Variants in PLA1A observed in about 807,000 individuals in gnomAD.
PLA1A encodes phosphatidylserine-specific phospholipase A1alpha.
A neutral mutation model predicts 49.4 loss-of-function variants in PLA1A; 47 were observed. The observed-to-expected ratio is 0.95, with a 90% CI of 0.75 to 1.21. The LOEUF (loss-of-function observed/expected upper bound fraction) is 1.21, where lower values mean the gene tolerates loss of function less well. Ranked by LOEUF, PLA1A falls within the 50% of genes most tolerant of loss-of-function variation. The probability of loss-of-function intolerance (pLI) is 0.00; values close to 1 mark genes in which losing one functional copy is unlikely to be tolerated. For missense variants in PLA1A, 561 were observed against 563.9 expected, an observed-to-expected ratio of 0.99 and a Z score of 0.05; for synonymous variants, 224 against 207.9, an observed-to-expected ratio of 1.08 and a Z score of -0.67.
intron 1 of PLA1A, among the ~76,000 whole-genome samples, chr3:119,599,454 C>T (rs1394366813): frequency 1.3e-5 from 2 of 152,226 alleles, no homozygotes; most frequent in East Asian, 3.9e-4. Context: ...TCAGGAGCCC[C>T]AGGCCTCCTT....
chr3:119,625,287 C>G, intron 9 of PLA1A, 55 bp downstream of exon 9: 1 of 1,117,766 alleles, frequency 8.9e-7, no homozygotes, highest in Non-Finnish European at 1.4e-6. Flanking sequence ...GTTACTTTTT[C>G]ATTTTACACA....
intron 1 of PLA1A, 48 bp downstream of exon 1, chr3:119,598,034 C>G (rs62264534): frequency 5.0e-6 from 6 of 1,188,250 alleles, no homozygotes; most frequent in Non-Finnish European, 6.1e-6. Flanking sequence ...AGTCAGTGAT[C>G]ATATTTCTCC....
chr3:119,616,488 T>G (rs2082850020), intron 6 of PLA1A, among the ~76,000 whole-genome samples: 1 of 152,236 alleles, frequency 6.6e-6, no homozygotes, highest in Admixed American at 6.5e-5. Flanking sequence ...GTACATTTCC[T>G]CTCTTTAAAT....
chr3:119,608,120 T>C (rs910092301), intron 2 of PLA1A, among the ~76,000 whole-genome samples: 6 of 150,716 alleles, frequency 4.0e-5, no homozygotes, highest in African/African-American at 1.5e-4. Context: ...ACTCAATAAA[T>C]GCTTGCTGAA....
chr3:119,602,291 T>A (rs1420101208), intron 1 of PLA1A, among the ~76,000 whole-genome samples: 1 of 152,234 alleles, frequency 6.6e-6, no homozygotes, highest in Non-Finnish European at 1.5e-5. Context: ...TTCTGAGGGA[T>A]AGTTTTGAAA....
At chr3:119,599,275 T>G (rs1321705047) in intron 1 of PLA1A, among the ~76,000 whole-genome samples, 1 of 152,208 alleles carries the variant, frequency 6.6e-6, no homozygotes, top group Non-Finnish European at 1.5e-5. Context: ...CTTTTGCAGT[T>G]GCTTATTCCT....
At chr3:119,602,581 T>C (rs2082631839) in intron 1 of PLA1A, among the ~76,000 whole-genome samples, 1 of 152,180 alleles carries the variant, frequency 6.6e-6, no homozygotes, top group Non-Finnish European at 1.5e-5. Context: ...ATTATTCTTT[T>C]CAAAGAGCCA....
chr3:119,605,028 G>A (rs1560077026), intron 1 of PLA1A, among the ~76,000 whole-genome samples: 1 of 152,224 alleles, frequency 6.6e-6, no homozygotes, highest in African/African-American at 2.4e-5. Context: ...ATGGATGCAG[G>A]CTGCCCTATA....
rs369948486 is a variant in PLA1A, at chr3:119,609,551, C to T, written c.537C>T (p.Phe179=). 4.7e-5 allele frequency: 76 copies of T among 1,603,830 alleles called. No homozygotes were observed. The highest frequency in any genetic ancestry group is 5.9e-5 in the Non-Finnish European group (69 of 1,171,026). Reference sequence around the variant, plus strand: ...TTGGGGGCATGGTGGGACAGCTCTTCGGAGGCCAGCTGGGACAGATCACAG... The same window carrying T: ...TTGGGGGCATGGTGGGACAGCTCTTTGGAGGCCAGCTGGGACAGATCACAG... ...AHVGGMVGQL[F]GGQLGQITGL... The change falls in exon 4 of 11, where the codon TTC becomes TTT. Residue 179 remains phenylalanine (F), a synonymous_variant. Coordinates refer to ENST00000273371, the MANE Select transcript of PLA1A (RefSeq NM_015900.4).
At position 119,629,498 on chromosome 3, in the gene PLA1A, A is replaced by ATACTTT; in HGVS notation, c.*31_*32insACTTTT. On this transcript the variant is annotated 3_prime_UTR_variant, in exon 11 of 11. Coordinates refer to ENST00000273371, the MANE Select transcript of PLA1A (RefSeq NM_015900.4). Reference sequence around the variant, plus strand: ...ACCTGGGCAGGACACATCTCCCTGCATTTTTTTTTTTTTTTTGAGAGAGAG... The same window carrying ATACTTT: ...ACCTGGGCAGGACACATCTCCCTGCATACTTTTTTTTTTTTTTTTTTTGAGAGAGAG... 1 of 876,098 alleles carries ATACTTT rather than the reference A, an allele frequency of 1.1e-6. No individual in the cohort carries two copies. Among genetic ancestry groups the ATACTTT allele is most frequent in the Non-Finnish European group, 1.8e-6 (1 of 566,666 alleles). 54.3% of individuals were successfully genotyped at this position (876,098 alleles called of 1,614,324 possible). A position where few individuals can be genotyped will look rare whatever the true frequency, so the allele number is the denominator to read the frequency against.
At position 119,625,186 on chromosome 3, in the gene PLA1A, G is replaced by C. The variant is rs747309851; in HGVS notation, c.1075G>C (p.Val359Leu). The C allele has an allele frequency of 1.9e-5, 31 of 1,613,678 alleles. No individual in the cohort carries two copies. Among genetic ancestry groups the C allele is most frequent in the Non-Finnish European group, 2.6e-5 (31 of 1,179,720 alleles). ...ELRNKDTNIE[V>L]TFLSSNITSS... Reference sequence around the variant, plus strand: ...GAGAAACAAGGACACCAACATCGAGGTTACCTTCCTTAGCAGTAACATCAC... The same window carrying C: ...GAGAAACAAGGACACCAACATCGAGCTTACCTTCCTTAGCAGTAACATCAC... Residue 359 changes from valine to leucine, a missense_variant, in exon 9 of 11, where the codon GTT becomes CTT. Physicochemically the swap from Val to Leu is conservative, Grantham distance 32. Coordinates refer to ENST00000273371, the MANE Select transcript of PLA1A (RefSeq NM_015900.4).
chr3:119,617,131 C>T (rs1399564471), intron 6 of PLA1A, among the ~76,000 whole-genome samples: 1 of 152,166 alleles, frequency 6.6e-6, no homozygotes, highest in Non-Finnish European at 1.5e-5. Flanking sequence ...CCAATTTATC[C>T]AATGTTGAAT....
intron 9 of PLA1A, among the ~76,000 whole-genome samples, chr3:119,625,737 G>A (rs1164379839): frequency 6.6e-6 from 1 of 152,220 alleles, no homozygotes; most frequent in Non-Finnish European, 1.5e-5. Flanking sequence ...GCGGCCAGGA[G>A]GGCTTGGTGC....
rs749536205 is a variant in PLA1A, at chr3:119,618,139, G to T, written c.875G>T (p.Arg292Leu). ...AGCTACAAGGCCTTCCTTGCTGGAC[G>T]CTGTCTGGATTGCTTTAACCCTTTT... ...CASYKAFLAG[R>L]CLDCFNPFLL... The change falls in exon 7 of 11, where the codon CGC becomes CTC. Residue 292 changes from arginine (R) to leucine (L), a missense_variant. Transcript: ENST00000273371. The T allele has an allele frequency of 6.2e-7, 1 of 1,614,058 alleles. No individual in the cohort carries two copies. The highest frequency in any genetic ancestry group is 1.1e-5 in the South Asian group (1 of 91,058).
intron 9 of PLA1A, among the ~76,000 whole-genome samples, chr3:119,625,569 G>A: frequency 6.6e-6 from 1 of 152,206 alleles, no homozygotes; most frequent in East Asian, 1.9e-4. Context: ...AGGGATGTCA[G>A]TAGGGAGGAG....
intron 5 of PLA1A, among the ~76,000 whole-genome samples, chr3:119,613,841 C>T (rs529056389): frequency 5.6e-4 from 85 of 151,754 alleles, no homozygotes; most frequent in Non-Finnish European, 8.1e-4. Context: ...TGCAGGGAGC[C>T]GACATCGCGC....
chr3:119,623,797 T>C (rs1255955474), intron 8 of PLA1A, among the ~76,000 whole-genome samples: 1 of 144,682 alleles, frequency 6.9e-6, no homozygotes, highest in African/African-American at 2.6e-5. Flanking sequence ...CCATCTCGGC[T>C]CACTGCAACC....
At chr3:119,598,094 C>T (rs749481859) in intron 1 of PLA1A, 108 bp downstream of exon 1, 2 of 636,194 alleles carry the variant, frequency 3.1e-6, no homozygotes, top group South Asian at 2.2e-5. Context: ...AAGCCTTTTG[C>T]CTCTTCTGAG....
rs143696047 is a variant in PLA1A, at chr3:119,612,429, A to G, written c.563-588A>G. Among the ~76,000 whole-genome samples the G allele has an allele frequency of 1.2e-4, 19 of 152,324 alleles. No individual in the cohort carries two copies. The East Asian group carries it at 3.3e-3, about 26-fold the overall frequency. ...GAAATTTAGCTATTGTTATTACTAC[A>G]TGAAGGTAGTAACAAGCTTTACATT... On this transcript the variant is annotated intron_variant, in intron 4 of 10. Transcript: ENST00000273371.
Sources: allele counts gnomAD v4.1 joint callset (sites outside exome capture counted in the v4.1 genomes callset), GRCh38; gene constraint gnomAD v4.1.1; transcripts MANE v1.5; gene names NCBI Gene and HGNC (gene_info 2026-07-23, HGNC 2026-07-21).